Variants in HPN observed in about 807,000 individuals in gnomAD.
HPN encodes the protein hepsin, also known as serine protease hepsin.
Under a neutral mutation model 55.9 loss-of-function variants are expected in HPN, and 13 were observed. The ratio of observed to expected loss-of-function variants is 0.23; its 90% CI spans 0.15 to 0.37. The LOEUF is 0.37. Among genes scored for constraint, HPN ranks in the 10% least tolerant of loss-of-function variants. The probability of loss-of-function intolerance (pLI) is 1.00; values close to 1 mark genes in which losing one functional copy is unlikely to be tolerated. For missense variants in HPN, 451 were observed against 575.8 expected, an observed-to-expected ratio of 0.78 and a Z score of 2.22; for synonymous variants, 225 against 240.3, an observed-to-expected ratio of 0.94 and a Z score of 0.59.
chr19:35,066,449 G>GC lies in HPN; in HGVS notation c.*166dup. ...TCTTCCACAGTGGCGGGCCCACTCA[G>GC]CCCCGAGACCACCCAACCTCACCCT... On this transcript the variant is annotated 3_prime_UTR_variant, in exon 13 of 13. Coordinates refer to ENST00000672452, the MANE Select transcript of HPN (RefSeq NM_001384133.1). The GC allele has an allele frequency of 2.2e-6, 2 of 902,456 alleles. No homozygotes were observed. Among genetic ancestry groups the GC allele is most frequent in the East Asian group, 5.3e-5 (2 of 37,490 alleles). 55.9% of individuals were successfully genotyped at this position (902,456 alleles called of 1,614,324 possible).
chr19:35,046,473 G>C (rs929021956), intron 2 of HPN, among the ~76,000 whole-genome samples: 5 of 152,248 alleles, frequency 3.3e-5, no homozygotes, highest in Admixed American at 3.3e-4. Flanking sequence ...TTGAGCTCCT[G>C]ACCTCAAGTG....
intron 2 of HPN, among the ~76,000 whole-genome samples, chr19:35,046,732 C>A (rs2151754222): frequency 6.6e-6 from 1 of 152,382 alleles, no homozygotes; most frequent in South Asian, 2.1e-4. Flanking sequence ...CAGTTGAACC[C>A]AAGCCAGGCC....
rs777614855 is a variant in HPN, at chr19:35,060,731, G to A, written c.725G>A (p.Gly242Asp). 2.5e-6 allele frequency: 4 copies of A among 1,614,088 alleles called. No homozygotes were observed. The South Asian group carries it at 4.4e-5, about 18-fold the overall frequency. The change falls in exon 9 of 13, where the codon GGC becomes GAC. Residue 242 changes from glycine (G) to aspartate (D), a missense_variant. Physicochemically the swap from Gly to Asp is moderately conservative, Grantham distance 94. This residue lies in a region of HPN where 378 missense variants were observed against 445.5 expected (regional missense o/e 0.85). Transcript: ENST00000672452. ...GTGCAGGCTGTGGTCTACCACGGGG[G>A]CTATCTTCCCTTTCGGGACCCCAAC... ...LGVQAVVYHGGYLPFRDPNSE... is the reference protein window; with the variant it reads ...LGVQAVVYHGDYLPFRDPNSE...
chr19:35,040,894 G>A (rs907043787), upstream of HPN, among the ~76,000 whole-genome samples: 3 of 152,322 alleles, frequency 2.0e-5, no homozygotes, highest in East Asian at 5.8e-4. Flanking sequence ...GTGTGGGTAA[G>A]CGGGTGGGGC....
At chr19:35,048,026 GAAAAAGAAAGAA>G (rs1204543266) in intron 2 of HPN, among the ~76,000 whole-genome samples, 1 of 55,522 alleles carries the variant, frequency 1.8e-5, no homozygotes, top group African/African-American at 6.9e-5. Flanking sequence ...GAGAGAGAGA[GAAAAAGAAAGAA>G]AGAAAGAAAG....
chr19:35,058,552 CTAA>C lies in HPN; in HGVS notation c.161-1115_161-1113del, dbSNP rs1181033799. On this transcript the variant is annotated intron_variant, in intron 4 of 12. Coordinates refer to ENST00000672452, the MANE Select transcript of HPN (RefSeq NM_001384133.1). ...TATAACAATATATTAGTATTATATT[CTAA>C]TAATATATTAATATTATATTATAAT... Among the ~76,000 whole-genome samples, 894 of 144,664 alleles carry C rather than the reference CTAA, an allele frequency of 6.2e-3. 2 individuals carry two copies. The highest frequency in any genetic ancestry group is 0.021 in the African/African-American group (827 of 39,792). The allele number at this position is 144,664 out of a possible 152,430, so 94.9% of individuals were successfully genotyped here.
intron 12 of HPN, 63 bp from the exon 13 acceptor site, chr19:35,066,186 G>A: frequency 6.2e-7 from 1 of 1,613,882 alleles, no homozygotes; most frequent in Non-Finnish European, 8.5e-7. Flanking sequence ...CTGGGGAAGG[G>A]AAGCCAGTGG....
At chr19:35,056,410 C>T (rs911493561) in intron 4 of HPN, among the ~76,000 whole-genome samples, 1 of 152,162 alleles carries the variant, frequency 6.6e-6, no homozygotes, top group Admixed American at 6.5e-5. Flanking sequence ...AAAATAGAGC[C>T]TGGCAGGTAC....
chr19:35,054,216 G>A (rs1472049104), intron 4 of HPN, among the ~76,000 whole-genome samples: 1 of 152,154 alleles, frequency 6.6e-6, no homozygotes, highest in African/African-American at 2.4e-5. Context: ...CCAGAAGTTT[G>A]AGACCAGCCT....
intron 2 of HPN, among the ~76,000 whole-genome samples, chr19:35,043,021 AG>A (rs1314054702): frequency 6.6e-6 from 1 of 152,088 alleles, no homozygotes; most frequent in African/African-American, 2.4e-5. Flanking sequence ...GACACACACC[AG>A]GCACTGGTCT....
chr19:35,064,750 G>T (rs1023637988), intron 9 of HPN, among the ~76,000 whole-genome samples: 3 of 152,132 alleles, frequency 2.0e-5, no homozygotes, highest in Admixed American at 2.0e-4. Context: ...AAACATTAAA[G>T]AAAATGGTGC....
At chr19:35,041,995 C>G in intron 1 of HPN, 123 bp downstream of exon 1, 1 of 1,178,192 alleles carries the variant, frequency 8.5e-7, no homozygotes, top group Non-Finnish European at 1.1e-6. Flanking sequence ...AGAGGGGGCA[C>G]TATGACGTCC....
intron 4 of HPN, among the ~76,000 whole-genome samples, chr19:35,053,096 C>G (rs2151759656): frequency 6.6e-6 from 1 of 152,140 alleles, no homozygotes; most frequent in South Asian, 2.1e-4. Context: ...CACCAGGTGA[C>G]CCAGAACATC....
At chr19:35,054,171 A>T (rs867226895) in intron 4 of HPN, among the ~76,000 whole-genome samples, 4 of 152,342 alleles carry the variant, frequency 2.6e-5, no homozygotes, top group Middle Eastern at 6.8e-3. Context: ...TAATCCCAGC[A>T]CTTGGGGAGG....
At position 35,059,354 on chromosome 19, in the gene HPN, C is replaced by T. The variant is rs141629465; in HGVS notation, c.161-319C>T. 9.1e-4 allele frequency: 434 copies of T among 474,376 alleles called. 2 individuals carry two copies. Among genetic ancestry groups the T allele is most frequent in the African/African-American group, 7.7e-3 (391 of 50,948 alleles). 29.4% of individuals were successfully genotyped at this position (474,376 alleles called of 1,614,324 possible). A position where few individuals can be genotyped will look rare whatever the true frequency, so the allele number is the denominator to read the frequency against. ...AAAATTAGTCAGGTGTGGTGGTGCACGCCTGTGGTCCTAGCTACTCAGGAG... is the reference window on the plus strand; with the variant it reads ...AAAATTAGTCAGGTGTGGTGGTGCATGCCTGTGGTCCTAGCTACTCAGGAG... On this transcript the variant is annotated intron_variant, in intron 4 of 12. Coordinates refer to ENST00000672452, the MANE Select transcript of HPN (RefSeq NM_001384133.1).
intron 1 of HPN, 114 bp from the exon 2 acceptor site, chr19:35,042,339 T>C: frequency 2.1e-6 from 3 of 1,425,198 alleles, no homozygotes; most frequent in Non-Finnish European, 2.7e-6. Flanking sequence ...CGGCGTGCTC[T>C]GGCCAAGGCC....
chr19:35,046,062 G>A (rs1045915910), intron 2 of HPN, among the ~76,000 whole-genome samples: 10 of 152,244 alleles, frequency 6.6e-5, no homozygotes, highest in East Asian at 1.9e-4. Context: ...AGTGGCTGTC[G>A]GGAGCCAAGA....
At position 35,060,593 on chromosome 19, in the gene HPN, G is replaced by A. The variant is rs1249455983; in HGVS notation, c.621-34G>A. 3.7e-6 allele frequency: 6 copies of A among 1,612,476 alleles called. No homozygotes were observed. The East Asian group carries it at 1.3e-4, about 36-fold the overall frequency. On this transcript the variant is annotated intron_variant, in intron 8 of 12. Transcript: ENST00000672452. ...GGGGAGGAGGGCGGATTGTGCCCAG[G>A]CAGGTGGCCACCCTCCACCCCTTTC...
At chr19:35,050,644 A>T in intron 4 of HPN, 1 of 636,820 alleles carries the variant, frequency 1.6e-6, no homozygotes, top group Non-Finnish European at 2.3e-6. Flanking sequence ...TCCCTGATGC[A>T]GGACAGCAGG....
Sources: gnomAD v4.1 joint callset for allele counts (sites outside exome capture counted in the v4.1 genomes callset) on GRCh38, gnomAD v4.1.1 for gene constraint, gnomAD v4.1.1 regional missense constraint, MANE v1.5 for transcripts, NCBI Gene and HGNC (gene_info 2026-07-23, HGNC 2026-07-21) for gene names.